Variants in NTN1 observed in about 807,000 individuals in gnomAD.
NTN1 encodes the protein netrin-1.
Under a neutral mutation model 54.2 loss-of-function variants are expected in NTN1, and 11 were observed. That is an observed-to-expected ratio of 0.20 (90% CI 0.13 to 0.34). The LOEUF (loss-of-function observed/expected upper bound fraction) is 0.34, where lower values mean the gene tolerates loss of function less well. Among genes scored for constraint, NTN1 ranks in the 10% least tolerant of loss-of-function variants. The pLI is 1.00. For synonymous variants in NTN1, 371 were observed against 382.0 expected, an observed-to-expected ratio of 0.97 and a Z score of 0.33; for missense variants, 740 against 893.1, an observed-to-expected ratio of 0.83 and a Z score of 2.18.
chr17:9,119,526 A>C (rs1050349269), intron 2 of NTN1, among the ~76,000 whole-genome samples: 2 of 150,802 alleles, frequency 1.3e-5, no homozygotes, highest in Non-Finnish European at 3.0e-5. Context: ...TATTAGAAAC[A>C]AGGTCTCTGT....
In NTN1 at chr17:9,211,307, C is replaced by G. The variant is rs1905103048; in HGVS notation, c.1412-9861C>G. Among the ~76,000 whole-genome samples the G allele has an allele frequency of 6.6e-6, 1 of 152,218 alleles. No individual in the cohort carries two copies. Among genetic ancestry groups the G allele is most frequent in the African/African-American group, 2.4e-5 (1 of 41,462 alleles). ...CTTCCTGGGGCTGATCCCTTGTCAT[C>G]TGAGTGTCACCTCCTGGGATGGGTC... On this transcript the variant is annotated intron_variant, in intron 5 of 6. Coordinates refer to ENST00000173229, the MANE Select transcript of NTN1 (RefSeq NM_004822.3). The surrounding 1 kb of genome is among the most constrained non-coding windows in gnomAD (Gnocchi z 4.4).
chr17:9,207,617 G>A (rs1048748273), intron 5 of NTN1, among the ~76,000 whole-genome samples: 1 of 152,198 alleles, frequency 6.6e-6, no homozygotes, highest in Non-Finnish European at 1.5e-5. Flanking sequence ...CACCCCCTCT[G>A]TCCTGCTAGA....
intron 2 of NTN1, among the ~76,000 whole-genome samples, chr17:9,025,609 T>G (rs1179188451): frequency 6.6e-6 from 1 of 152,226 alleles, no homozygotes; most frequent in Admixed American, 6.5e-5. Flanking sequence ...TATTTATAGT[T>G]TCCTTTTTGA....
chr17:9,150,918 C>T (rs1234115260), intron 2 of NTN1, among the ~76,000 whole-genome samples: 1 of 152,192 alleles, frequency 6.6e-6, no homozygotes, highest in Non-Finnish European at 1.5e-5. Context: ...CTGGGCTGTG[C>T]TTTTTGGAGA....
At chr17:9,120,020 C>T (rs1282678269) in intron 2 of NTN1, among the ~76,000 whole-genome samples, 1 of 152,128 alleles carries the variant, frequency 6.6e-6, no homozygotes, top group Non-Finnish European at 1.5e-5. Context: ...GTGGCTCACA[C>T]CTGTAATCCC....
chr17:9,079,773 C>T (rs931256727), intron 2 of NTN1, among the ~76,000 whole-genome samples: 9 of 114,966 alleles, frequency 7.8e-5, no homozygotes, highest in African/African-American at 2.5e-4. Context: ...TCCTGGTTCC[C>T]CCTGGTAAGT....
At chr17:9,173,743 C>G (rs546789896) in intron 3 of NTN1, 7 of 152,418 alleles carry the variant, frequency 4.6e-5, no homozygotes, top group African/African-American at 1.7e-4. Flanking sequence ...ACAATTGGCT[C>G]CAGGGTTCAG....
intron 2 of NTN1, among the ~76,000 whole-genome samples, chr17:9,055,423 T>G (rs1000844008): frequency 6.6e-6 from 1 of 152,102 alleles, no homozygotes. Flanking sequence ...AAAGAAGTGA[T>G]GAGAACTAAC....
At chr17:9,118,484 C>G (rs1052460338) in intron 2 of NTN1, among the ~76,000 whole-genome samples, 1 of 152,208 alleles carries the variant, frequency 6.6e-6, no homozygotes, top group African/African-American at 2.4e-5. Context: ...TGCACTCCAG[C>G]CTGGACAACA....
At chr17:9,084,292 G>A (rs2092083085) in intron 2 of NTN1, among the ~76,000 whole-genome samples, 1 of 152,170 alleles carries the variant, frequency 6.6e-6, no homozygotes, top group Non-Finnish European at 1.5e-5. Context: ...TATTCCTGTG[G>A]CTTTCACTAA....
the NTN1 span, among the ~76,000 whole-genome samples, chr17:9,010,642 T>C: frequency 6.6e-6 from 1 of 152,252 alleles, no homozygotes; most frequent in African/African-American, 2.4e-5. Flanking sequence ...CTGCGGCTGC[T>C]GTAACAAATT....
chr17:9,226,833 G>T (rs975633307), intron 6 of NTN1, among the ~76,000 whole-genome samples: 4 of 152,088 alleles, frequency 2.6e-5, no homozygotes, highest in African/African-American at 9.7e-5. Context: ...CTGTGGGGCA[G>T]CTCAGATACA....
At chr17:9,119,997 C>T (rs759225654) in intron 2 of NTN1, among the ~76,000 whole-genome samples, 2 of 151,990 alleles carry the variant, frequency 1.3e-5, no homozygotes, top group Non-Finnish European at 2.9e-5. Flanking sequence ...AAGTGCTTAT[C>T]TGGCCGGGCG....
At position 9,241,094 on chromosome 17, in the gene NTN1, G is replaced by A. The variant is rs117971919; in HGVS notation, c.*1126G>A. ...AGGCACTTGGGCCTGGCTTGGGGCC[G>A]GGGGCTTGTTTGAGCTGGGATGGGG... On this transcript the variant is annotated 3_prime_UTR_variant, in exon 7 of 7. Transcript: ENST00000173229. The A allele has an allele frequency of 0.031, 4,738 of 152,602 alleles. 108 individuals are homozygous for A. Among genetic ancestry groups the A allele is most frequent in the Non-Finnish European group, 0.051 (3,484 of 68,290 alleles). The allele number at this position is 152,602 out of a possible 1,614,324, so 9.5% of individuals were successfully genotyped here. A position where few individuals can be genotyped will look rare whatever the true frequency, so the allele number is the denominator to read the frequency against.
chr17:9,124,951 C>T (rs2092241722), intron 2 of NTN1, among the ~76,000 whole-genome samples: 1 of 152,216 alleles, frequency 6.6e-6, no homozygotes, highest in Non-Finnish European at 1.5e-5. Context: ...GTGCATTTTA[C>T]AGAGCCTGGC....
chr17:9,047,903 C>T (rs2091945955), intron 2 of NTN1, among the ~76,000 whole-genome samples: 1 of 151,924 alleles, frequency 6.6e-6, no homozygotes, highest in South Asian at 2.1e-4. Context: ...ACTATATTGG[C>T]CAGGATGGTC....
intron 2 of NTN1, among the ~76,000 whole-genome samples, chr17:9,125,383 T>C (rs1436701086): frequency 6.6e-6 from 1 of 152,110 alleles, no homozygotes; most frequent in African/African-American, 2.4e-5. Flanking sequence ...CTTGCCACCA[T>C]GCCCAGGTAA....
At chr17:9,145,170 A>C (rs187398380) in intron 2 of NTN1, among the ~76,000 whole-genome samples, 234 of 152,340 alleles carry the variant, frequency 1.5e-3, no homozygotes, top group African/African-American at 5.5e-3. Context: ...TTACTGTGGA[A>C]TTACAGAGGA....
rs913113866 is a variant in NTN1, at chr17:9,234,936, G to GT, written c.1487-4696dup. Among the ~76,000 whole-genome samples, 51 of 147,520 alleles carry GT rather than the reference G, an allele frequency of 3.5e-4. 1 individual carries two copies. Among genetic ancestry groups the GT allele is most frequent in the Middle Eastern group, 3.6e-3 (1 of 276 alleles). ...ATACCAGCAGTCCCTAATTTGTTGG[G>GT]TTTTTTTTGTCTGTTTTTTGTTTTT... On this transcript the variant is annotated intron_variant, in intron 6 of 6. Coordinates refer to ENST00000173229, the MANE Select transcript of NTN1 (RefSeq NM_004822.3).
Sources: allele counts gnomAD v4.1 joint callset (sites outside exome capture counted in the v4.1 genomes callset), GRCh38; gene constraint gnomAD v4.1.1; non-coding constraint Gnocchi (gnomAD v3.1); transcripts MANE v1.5; gene names NCBI Gene and HGNC (gene_info 2026-07-23, HGNC 2026-07-21).